Variants in PHF20L1 observed in about 807,000 individuals in gnomAD.
PHF20L1 encodes PHD finger protein 20 like 1, also known as PHD finger protein 20-like protein 1.
Under a neutral mutation model 125.5 loss-of-function variants are expected in PHF20L1, and 44 were observed. The ratio of observed to expected loss-of-function variants is 0.35; its 90% confidence interval spans 0.28 to 0.45. The LOEUF (loss-of-function observed/expected upper bound fraction) is 0.45, where lower values mean the gene tolerates loss of function less well. PHF20L1 is among the 20% of genes least tolerant of loss of function. PHF20L1 has a pLI of 1.00. For missense variants in PHF20L1, 1,012 were observed against 1,217.2 expected, an observed-to-expected ratio of 0.83 and a Z score of 2.51; for synonymous variants, 380 against 403.1, an observed-to-expected ratio of 0.94 and a Z score of 0.69.
rs1408328299 is a variant in PHF20L1, at chr8:132,792,840, C to CT, written c.84-1569dup. Among the ~76,000 whole-genome samples, 4 of 152,080 alleles carry CT rather than the reference C, an allele frequency of 2.6e-5. No homozygotes were observed. The East Asian group carries it at 7.7e-4, about 29-fold the overall frequency. On this transcript the variant is annotated intron_variant, in intron 2 of 20. Transcript: ENST00000395386. ...AAAGGGGTTACATGTTTTCTTGACT[C>CT]TAGTAACACTGAATGCTTTATCTCC...
rs116975495 is a variant in PHF20L1, at chr8:132,841,389, T to C, written c.2388-1126T>C. ...CCAGCTTTTCTTCTACTATGCCTTT[T>C]ACTGATTGAGTGTTTTAGTATTTTC... On this transcript the variant is annotated intron_variant, in intron 18 of 20. Transcript: ENST00000395386. 5.6e-3 allele frequency among the ~76,000 whole-genome samples: 860 copies of C among 152,230 alleles called. 4 individuals are homozygous for C. Among genetic ancestry groups the C allele is most frequent in the Non-Finnish European group, 7.8e-3 (528 of 68,006 alleles).
intron 12 of PHF20L1, among the ~76,000 whole-genome samples, chr8:132,820,390 A>G (rs1171100334): frequency 6.6e-6 from 1 of 151,888 alleles, no homozygotes; most frequent in Non-Finnish European, 1.5e-5. Flanking sequence ...TGTCAACACA[A>G]TTCTCTTTAG....
chr8:132,816,325 A>T (rs557621465), intron 10 of PHF20L1: 1 of 143,862 alleles, frequency 7.0e-6, no homozygotes, highest in East Asian at 2.0e-4. Context: ...GTTTTTGTTC[A>T]TTTTTTTTTT....
At chr8:132,800,878 C>G (rs1338307787) in intron 6 of PHF20L1, among the ~76,000 whole-genome samples, 1 of 151,420 alleles carries the variant, frequency 6.6e-6, no homozygotes, top group African/African-American at 2.4e-5. Context: ...AGACATTTTT[C>G]TCACTGGGAA....
At chr8:132,822,287 T>G (rs547335762) in intron 12 of PHF20L1, among the ~76,000 whole-genome samples, 2 of 151,918 alleles carry the variant, frequency 1.3e-5, no homozygotes, top group Admixed American at 6.6e-5. Flanking sequence ...CATAACTGTT[T>G]TATTTGTCTT....
intron 14 of PHF20L1, among the ~76,000 whole-genome samples, chr8:132,830,418 T>C (rs887045729): frequency 1.2e-4 from 18 of 152,094 alleles, no homozygotes; most frequent in African/African-American, 4.3e-4. Context: ...GTTTAGGACA[T>C]AGACATTTTT....
intron 12 of PHF20L1, among the ~76,000 whole-genome samples, chr8:132,820,728 C>T (rs1835488911): frequency 6.6e-6 from 1 of 151,866 alleles, no homozygotes; most frequent in Non-Finnish European, 1.5e-5. Flanking sequence ...TATCATTAAT[C>T]AGGCATTTGA....
At position 132,814,671 on chromosome 8, in the gene PHF20L1, A is replaced by C; in HGVS notation, c.965A>C (p.Asn322Thr). The change falls in exon 10 of 21, where the codon AAT (asparagine) becomes ACT (threonine). Residue 322 changes from asparagine (N) to threonine (T), a missense_variant. Physicochemically the swap from Asn to Thr is moderately conservative, Grantham distance 65 (BLOSUM62 0). Transcript: ENST00000395386. ...ISPKPQSQKKNEADISSSANT... is the reference protein window; with the variant it reads ...ISPKPQSQKKTEADISSSANT... Reference sequence around the variant, plus strand: ...CCTAAACCTCAAAGTCAGAAAAAAAATGAAGCTGACATTAGCAGTTCTGCC... The same window carrying C: ...CCTAAACCTCAAAGTCAGAAAAAAACTGAAGCTGACATTAGCAGTTCTGCC... 1 of 1,604,130 alleles carries C rather than the reference A, an allele frequency of 6.2e-7. No homozygotes were observed. The highest frequency in any genetic ancestry group is 8.5e-7 in the Non-Finnish European group (1 of 1,175,226).
Position 132,820,959 on chromosome 8 carries a change from A to T in PHF20L1, c.1580-3045A>T, listed in dbSNP as rs202157824. On this transcript the variant is annotated intron_variant, in intron 12 of 20. Transcript: ENST00000395386. Reference sequence around the variant, plus strand: ...AGTAACCCATCTTCATTTTTTTTTTATTTTTTAGCAAATTAGTAAATAAGT... The same window carrying T: ...AGTAACCCATCTTCATTTTTTTTTTTTTTTTTAGCAAATTAGTAAATAAGT... 8.5e-3 allele frequency among the ~76,000 whole-genome samples: 1,274 copies of T among 150,246 alleles called. 33 individuals are homozygous for T. In the East Asian group the frequency reaches 0.086, roughly 10 times the overall value.
At chr8:132,822,782 G>A (rs1835743325) in intron 12 of PHF20L1, among the ~76,000 whole-genome samples, 1 of 151,726 alleles carries the variant, frequency 6.6e-6, no homozygotes, top group South Asian at 2.1e-4. Context: ...GATTTGAGTG[G>A]TATTTTTATA....
intron 16 of PHF20L1, among the ~76,000 whole-genome samples, 194 bp from the exon 17 acceptor site, chr8:132,837,518 G>A (rs1433047503): frequency 6.6e-6 from 1 of 152,128 alleles, no homozygotes; most frequent in East Asian, 1.9e-4. Context: ...AAGAAAGTTC[G>A]TGAAGTAGTT....
At chr8:132,843,877 T>C (rs1362378953) in intron 19 of PHF20L1, 1 of 985,190 alleles carries the variant, frequency 1.0e-6, no homozygotes, top group African/African-American at 1.7e-5. Context: ...AATTACACAA[T>C]AGAATTAGTG....
At position 132,794,809 on chromosome 8, in the gene PHF20L1, A is replaced by G. The variant is rs762790733; in HGVS notation, c.332A>G (p.Asn111Ser). ...RYYPAKIEAI[N>S]KEGTFTVQFY... ...TACCCTGCCAAGATTGAAGCAATTAACAAAGAAGGTATGTGTTTGAAATGA... is the reference window on the plus strand; with the variant it reads ...TACCCTGCCAAGATTGAAGCAATTAGCAAAGAAGGTATGTGTTTGAAATGA... Residue 111 changes from asparagine to serine, a missense_variant, in exon 4 of 21, where the codon AAC becomes AGC. Transcript: ENST00000395386. The G allele has an allele frequency of 1.7e-5, 28 of 1,603,696 alleles. No individual in the cohort carries two copies. Among genetic ancestry groups the G allele is most frequent in the Non-Finnish European group, 2.1e-5 (25 of 1,171,280 alleles).
intron 2 of PHF20L1, among the ~76,000 whole-genome samples, chr8:132,781,578 G>A (rs186537536): frequency 4.6e-5 from 7 of 151,966 alleles, no homozygotes; most frequent in Non-Finnish European, 1.0e-4. Context: ...ACAGGCGCAC[G>A]CCACCATGCC....
intron 14 of PHF20L1, among the ~76,000 whole-genome samples, chr8:132,827,754 G>A (rs1053998074): frequency 1.3e-5 from 2 of 151,930 alleles, no homozygotes; most frequent in Admixed American, 6.6e-5. Context: ...CCATTAAAAC[G>A]TACTTTAAAT....
chr8:132,813,008 A>G, intron 9 of PHF20L1: 1 of 941,674 alleles, frequency 1.1e-6, no homozygotes. Flanking sequence ...CTTGCATTAG[A>G]TGCATAATAA....
At chr8:132,782,083 ACT>A (rs367733124) in intron 2 of PHF20L1, among the ~76,000 whole-genome samples, 11 of 152,176 alleles carry the variant, frequency 7.2e-5, no homozygotes, top group African/African-American at 1.4e-4. Context: ...TTCACCACAA[ACT>A]CTGTGCATCC....
intron 7 of PHF20L1, among the ~76,000 whole-genome samples, chr8:132,804,276 A>G (rs141362829): frequency 1.3e-5 from 2 of 151,866 alleles, no homozygotes; most frequent in Non-Finnish European, 2.9e-5. Context: ...TGAGATTTTG[A>G]TTTATAACTT....
chr8:132,800,665 A>C (rs1258198603), intron 6 of PHF20L1, among the ~76,000 whole-genome samples: 1 of 151,752 alleles, frequency 6.6e-6, no homozygotes, highest in Non-Finnish European at 1.5e-5. Flanking sequence ...CATTAGTAAC[A>C]CTTTTGTATA....
Sources: gnomAD v4.1 joint callset for allele counts (sites outside exome capture counted in the v4.1 genomes callset) on GRCh38, gnomAD v4.1.1 for gene constraint, MANE v1.5 for transcripts, NCBI Gene and HGNC (gene_info 2026-07-23, HGNC 2026-07-21) for gene names.